KY: variants seen among roughly 807,000 people sequenced by gnomAD.
KY encodes kyphoscoliosis peptidase.
In KY, 43 loss-of-function variants were observed where a neutral mutation model predicts 76.1. That is an observed-to-expected ratio of 0.57 (90% CI 0.44 to 0.73). The LOEUF is 0.73. KY is among the 30% of genes least tolerant of loss of function. The probability of loss-of-function intolerance (pLI) is 0.00; values close to 1 mark genes in which losing one functional copy is unlikely to be tolerated. For missense variants in KY, 722 were observed against 828.9 expected, an observed-to-expected ratio of 0.87 and a Z score of 1.58; for synonymous variants, 277 against 326.2, an observed-to-expected ratio of 0.85 and a Z score of 1.63.
chr3:134,638,641 C>A (rs1238450021), intron 3 of KY, among the ~76,000 whole-genome samples: 1 of 152,226 alleles, frequency 6.6e-6, no homozygotes, highest in African/African-American at 2.4e-5. Flanking sequence ...CGCCAGCTCT[C>A]CTTGCTTTTC....
intron 10 of KY, chr3:134,608,242 T>C: frequency 8.4e-7 from 1 of 1,192,410 alleles, no homozygotes; most frequent in East Asian, 5.8e-5. Context: ...CCAGAGGCTA[T>C]GTGTAGCCAG....
chr3:134,614,982 T>C (rs991382909), intron 8 of KY, among the ~76,000 whole-genome samples: 1 of 152,214 alleles, frequency 6.6e-6, no homozygotes, highest in African/African-American at 2.4e-5. Flanking sequence ...TTTCTTTTGG[T>C]ATTTTGTTGA....
At chr3:134,615,280 G>A (rs993220249) in intron 8 of KY, 1 of 152,374 alleles carries the variant, frequency 6.6e-6, no homozygotes, top group Admixed American at 6.6e-5. Flanking sequence ...TGCCTTGCCT[G>A]GGGACACACA....
chr3:134,648,538 T>C (rs1046421149), intron 1 of KY, among the ~76,000 whole-genome samples: 2 of 152,216 alleles, frequency 1.3e-5, no homozygotes, highest in Non-Finnish European at 2.9e-5. Flanking sequence ...TACTTTCTGA[T>C]AGGAGTTGAG....
chr3:134,613,309 T>C lies in KY; in HGVS notation c.711-2926A>G, dbSNP rs112554904. The C allele has an allele frequency of 7.0e-3, 1,069 of 152,960 alleles. 11 individuals carry two copies. The highest frequency in any genetic ancestry group is 0.025 in the African/African-American group (1,022 of 41,568). 9.5% of individuals were successfully genotyped at this position (152,960 alleles called of 1,614,324 possible). On this transcript the variant is annotated intron_variant, in intron 8 of 10. Transcript: ENST00000423778. Reference sequence around the variant, plus strand: ...CTGGGAGAAGCCATGTCCTAGGCCGTGTGCCCAGGGGGACATCCTGCCCTC... The same window carrying C: ...CTGGGAGAAGCCATGTCCTAGGCCGCGTGCCCAGGGGGACATCCTGCCCTC...
chr3:134,621,100 G>T (rs1203144921), intron 6 of KY, among the ~76,000 whole-genome samples: 1 of 152,206 alleles, frequency 6.6e-6, no homozygotes, highest in Non-Finnish European at 1.5e-5. Flanking sequence ...CTGCAGATCT[G>T]GGGGCTAGCC....
In KY at chr3:134,610,302, C is replaced by T. The variant is rs1302361815; in HGVS notation, c.792G>A (p.Glu264=). Residue 264 remains glutamate, a synonymous_variant, in exon 9 of 11, where the codon GAG becomes GAA. Coordinates refer to ENST00000423778, the MANE Select transcript of KY (RefSeq NM_178554.6). ...ACACAGCATTCCAGGCATGGTCAAACTCCCCCGAGAAGCTCTGCCCTGTCT... is the reference window on the plus strand; with the variant it reads ...ACACAGCATTCCAGGCATGGTCAAATTCCCCCGAGAAGCTCTGCCCTGTCT... ...GYQTGQSFSG[E]FDHAWNAVYL... 6.2e-7 allele frequency: 1 copy of T among 1,613,756 alleles called. No individual in the cohort carries two copies. Among genetic ancestry groups the T allele is most frequent in the Non-Finnish European group, 8.5e-7 (1 of 1,179,878 alleles).
chr3:134,635,577 T>G (rs894850661), intron 3 of KY, among the ~76,000 whole-genome samples: 1 of 147,386 alleles, frequency 6.8e-6, no homozygotes, highest in Non-Finnish European at 1.5e-5. Flanking sequence ...CCACACAAGA[T>G]AATTTTAAAG....
intron 3 of KY, among the ~76,000 whole-genome samples, chr3:134,631,312 G>A (rs1345642676): frequency 6.6e-6 from 1 of 152,124 alleles, no homozygotes; most frequent in Non-Finnish European, 1.5e-5. Context: ...AAAAAATATG[G>A]AAAGTAGCCA....
intron 8 of KY, among the ~76,000 whole-genome samples, chr3:134,618,442 G>A (rs1156288766): frequency 6.6e-6 from 1 of 152,170 alleles, no homozygotes; most frequent in Non-Finnish European, 1.5e-5. Flanking sequence ...GTTCTTTGAT[G>A]GCCCCAGGGC....
intron 4 of KY, 148 bp from the exon 5 acceptor site, chr3:134,627,966 CTGAATTGCTGCT>C: frequency 1.6e-6 from 1 of 643,044 alleles, no homozygotes; most frequent in Non-Finnish European, 2.8e-6. Context: ...CCACTGACCA[CTGAATTGCTGCT>C]TGAATTGCCA....
At chr3:134,629,930 T>C (rs1479505040) in intron 3 of KY, among the ~76,000 whole-genome samples, 1 of 152,168 alleles carries the variant, frequency 6.6e-6, no homozygotes, top group African/African-American at 2.4e-5. Context: ...TGAATGCAAT[T>C]ATAAACAATG....
At chr3:134,642,360 A>T (rs893787345) in intron 3 of KY, among the ~76,000 whole-genome samples, 1 of 152,224 alleles carries the variant, frequency 6.6e-6, no homozygotes. Context: ...CTCTCAGAGC[A>T]AGCGTGATGA....
intron 6 of KY, among the ~76,000 whole-genome samples, 172 bp downstream of exon 6, chr3:134,624,881 G>A (rs895500799): frequency 6.6e-6 from 1 of 152,204 alleles, no homozygotes; most frequent in African/African-American, 2.4e-5. Context: ...CTGGGCAGGG[G>A]CTGCTGCCTA....
rs1208642912 is a variant in KY, at chr3:134,619,237, C to T, written c.621G>A (p.Lys207=). 2.5e-6 allele frequency: 4 copies of T among 1,613,808 alleles called. No individual in the cohort carries two copies. Among genetic ancestry groups the T allele is most frequent in the African/African-American group, 1.3e-5 (1 of 74,890 alleles). Residue 207 remains lysine, a synonymous_variant, in exon 8 of 11, where the codon AAG becomes AAA. Coordinates refer to ENST00000423778, the MANE Select transcript of KY (RefSeq NM_178554.6). ...IEYDIAAAQE[K]DRQAFKPTDI... is the part of the protein sequence containing the mutation. ...CAGTGGGTTTGAAGGCTTGGCGGTC[C>T]TTCTCCTGAGCAGCTGCAATGTCAT...
rs1196184268 is a variant in KY at position 134,601,630 on chromosome 3, G to A, written c.*1949C>T. ...GCCTTTGTGCATTTTTCAGGTGTGA[G>A]TGACACGAGGCTGGCTGGGTGGCCT... On this transcript the variant is annotated 3_prime_UTR_variant, in exon 11 of 11. Transcript: ENST00000423778. 2.6e-5 allele frequency among the ~76,000 whole-genome samples: 4 copies of A among 152,238 alleles called. No individual in the cohort carries two copies. The highest frequency in any genetic ancestry group is 5.9e-5 in the Non-Finnish European group (4 of 68,052).
At chr3:134,620,887 G>C (rs369520254) in intron 6 of KY, 30 bp from the exon 7 acceptor site, 1 of 1,407,400 alleles carries the variant, frequency 7.1e-7, no homozygotes, top group African/African-American at 1.4e-5. Flanking sequence ...TGCTGTATTA[G>C]GGCCTCGAGG....
At chr3:134,639,782 C>CA (rs1218204491) in intron 3 of KY, 2 of 146,490 alleles carry the variant, frequency 1.4e-5, no homozygotes, top group African/African-American at 2.5e-5. Flanking sequence ...CCCATCTCTA[C>CA]AAAAAACGAA....
chr3:134,645,772 A>G lies in KY; in HGVS notation c.199+1663T>C, dbSNP rs551187931. ...GCAAGAACTATTTTAGTCATCTTCT[A>G]TCAGCTGACACATAGTGCTAAGACC... On this transcript the variant is annotated intron_variant, in intron 2 of 10. Transcript: ENST00000423778. Among the ~76,000 whole-genome samples, 8 of 152,298 alleles carry G rather than the reference A, an allele frequency of 5.3e-5. No individual in the cohort carries two copies. In the East Asian group the frequency reaches 1.5e-3, roughly 29 times the overall value.
Sources: gnomAD v4.1 joint callset for allele counts (sites outside exome capture counted in the v4.1 genomes callset) on GRCh38, gnomAD v4.1.1 for gene constraint, MANE v1.5 for transcripts, NCBI Gene and HGNC (gene_info 2026-07-23, HGNC 2026-07-21) for gene names.